Variants in LPGAT1 observed in about 807,000 individuals in gnomAD.
The protein encoded by LPGAT1 is acyl-CoA:lysophosphatidylglycerol acyltransferase 1.
LPGAT1 carries 11 observed loss-of-function variants against 47.5 expected under a neutral mutation model. That is an observed-to-expected ratio of 0.23 (90% CI 0.15 to 0.38). The LOEUF (loss-of-function observed/expected upper bound fraction) is 0.38, where lower values mean the gene tolerates loss of function less well. Among genes scored for constraint, LPGAT1 ranks in the 10% least tolerant of loss-of-function variants. The pLI, the probability that LPGAT1 is intolerant of heterozygous loss-of-function variation, is 1.00. For synonymous variants in LPGAT1, 138 were observed against 144.2 expected (o/e 0.96, Z 0.31); for missense variants, 293 against 439.0 (o/e 0.67, Z 2.97).
At chr1:211,783,187 C>CT (rs1349845535) in intron 5 of LPGAT1, 42 bp downstream of exon 5, 10 of 1,523,122 alleles carry the variant, frequency 6.6e-6, no homozygotes, top group South Asian at 2.6e-5. Flanking sequence ...CCAGAAAATC[C>CT]TTTAACTCCA....
At chr1:211,761,594 C>T (rs1016106114) in intron 6 of LPGAT1, among the ~76,000 whole-genome samples, 7 of 152,176 alleles carry the variant, frequency 4.6e-5, no homozygotes, top group African/African-American at 1.4e-4. Context: ...AGATTAAGTA[C>T]ATCATCCTGT....
At chr1:211,787,606 G>T in intron 4 of LPGAT1, 26 bp downstream of exon 4, 1 of 1,276,580 alleles carries the variant, frequency 7.8e-7, no homozygotes. Context: ...GGCTATCACT[G>T]CGGGGAAAAA....
At chr1:211,759,390 T>G (rs1274505364) in intron 6 of LPGAT1, among the ~76,000 whole-genome samples, 1 of 152,188 alleles carries the variant, frequency 6.6e-6, no homozygotes, top group Non-Finnish European at 1.5e-5. Flanking sequence ...CCAGCTCCTC[T>G]TTTTAGTAAC....
intron 3 of LPGAT1, among the ~76,000 whole-genome samples, chr1:211,791,240 G>C (rs1000877295): frequency 6.6e-6 from 1 of 152,092 alleles, no homozygotes; most frequent in African/African-American, 2.4e-5. Context: ...CTAACCTAGT[G>C]AATCAAAATC....
intron 2 of LPGAT1, among the ~76,000 whole-genome samples, chr1:211,794,224 T>C (rs1466182341): frequency 2.0e-5 from 3 of 152,236 alleles, no homozygotes; most frequent in African/African-American, 7.2e-5. Flanking sequence ...GAAAAGTCAC[T>C]GCGCCAAAAT....
chr1:211,752,142 T>C (rs1397304737), intron 6 of LPGAT1, among the ~76,000 whole-genome samples: 2 of 152,214 alleles, frequency 1.3e-5, no homozygotes, highest in African/African-American at 4.8e-5. Flanking sequence ...TACTTTTCCT[T>C]TCTTTACCAA....
intron 5 of LPGAT1, among the ~76,000 whole-genome samples, chr1:211,782,133 A>C (rs1658665858): frequency 6.6e-6 from 1 of 152,186 alleles, no homozygotes; most frequent in Non-Finnish European, 1.5e-5. Flanking sequence ...TGTCCACCCT[A>C]TTAACATAAG....
intron 2 of LPGAT1, chr1:211,793,401 CATTATTTATTTA>C: frequency 6.2e-6 from 1 of 161,136 alleles, no homozygotes; most frequent in African/African-American, 2.8e-5. Context: ...ATAAAATTAT[CATTATTTATTTA>C]TTTATTTATT....
chr1:211,762,943 C>T (rs150178464), intron 6 of LPGAT1, among the ~76,000 whole-genome samples: 8 of 152,034 alleles, frequency 5.3e-5, no homozygotes, highest in African/African-American at 1.4e-4. Flanking sequence ...AACTAAGCAC[C>T]GAAGAAGATT....
chr1:211,815,688 A>T (rs1305580635), intron 2 of LPGAT1, among the ~76,000 whole-genome samples: 1 of 151,436 alleles, frequency 6.6e-6, no homozygotes, highest in Admixed American at 6.6e-5. Context: ...AGCTTCCCTC[A>T]ACCACTAAAC....
At chr1:211,750,436 A>C (rs61831161) in intron 7 of LPGAT1, among the ~76,000 whole-genome samples, 18,144 of 152,234 alleles carry the variant, frequency 0.12, 1,276 homozygotes, top group Non-Finnish European at 0.15. Flanking sequence ...ACTGGAATAT[A>C]ATCTGCATGA....
At chr1:211,800,035 T>TTTATTA (rs58672865) in intron 2 of LPGAT1, among the ~76,000 whole-genome samples, 11 of 150,976 alleles carry the variant, frequency 7.3e-5, no homozygotes, top group Admixed American at 1.3e-4. Context: ...ACTACCATTC[T>TTTATTA]TTATTATTAT....
intron 6 of LPGAT1, among the ~76,000 whole-genome samples, chr1:211,774,720 T>C (rs963941840): frequency 6.6e-6 from 1 of 152,238 alleles, no homozygotes; most frequent in African/African-American, 2.4e-5. Context: ...AAATAATGTG[T>C]ATTTTATGGT....
intron 2 of LPGAT1, among the ~76,000 whole-genome samples, chr1:211,828,202 T>C (rs1377472550): frequency 1.3e-5 from 2 of 152,222 alleles, no homozygotes; most frequent in African/African-American, 4.8e-5. Flanking sequence ...GGAATTTCTG[T>C]GCTAAAAGCC....
At position 211,749,842 on chromosome 1, in the gene LPGAT1, C is replaced by T. The variant is rs1657100192; in HGVS notation, c.*57G>A. Reference sequence around the variant, plus strand: ...TGATTTGCACATGTAAAATAATGCACACTTATGAAAGAAAGTCTGAACTCC... The same window carrying T: ...TGATTTGCACATGTAAAATAATGCATACTTATGAAAGAAAGTCTGAACTCC... On this transcript the variant is annotated 3_prime_UTR_variant, in exon 8 of 8. Coordinates refer to ENST00000366997, the MANE Select transcript of LPGAT1 (RefSeq NM_014873.3). The T allele has an allele frequency of 1.9e-6, 3 of 1,545,202 alleles. No homozygotes were observed. Among genetic ancestry groups the T allele is most frequent in the South Asian group, 1.2e-5 (1 of 85,076 alleles).
intron 6 of LPGAT1, among the ~76,000 whole-genome samples, chr1:211,775,316 CAAAAT>C (rs1423336169): frequency 1.3e-5 from 2 of 151,894 alleles, no homozygotes; most frequent in Non-Finnish European, 2.9e-5. Context: ...GACTCTGTCT[CAAAAT>C]AAATAAATAA....
intron 2 of LPGAT1, among the ~76,000 whole-genome samples, chr1:211,815,773 CTTTTTTTT>C (rs938719098): frequency 7.5e-4 from 76 of 101,844 alleles, no homozygotes; most frequent in Middle Eastern, 9.3e-3. Flanking sequence ...AAATGCTTTT[CTTTTTTTT>C]TTTTTTTTTT....
chr1:211,801,473 G>C (rs1181878406), intron 2 of LPGAT1, among the ~76,000 whole-genome samples: 1 of 152,130 alleles, frequency 6.6e-6, no homozygotes, highest in African/African-American at 2.4e-5. Flanking sequence ...CCAGCACTAA[G>C]GCCGAGGTGG....
intron 4 of LPGAT1, among the ~76,000 whole-genome samples, chr1:211,785,425 A>G (rs1185109060): frequency 6.6e-6 from 1 of 152,018 alleles, no homozygotes; most frequent in Non-Finnish European, 1.5e-5. Flanking sequence ...ATAGATTTTT[A>G]TTACTAATCT....
Sources: gnomAD v4.1 joint callset for allele counts (sites outside exome capture counted in the v4.1 genomes callset) on GRCh38, gnomAD v4.1.1 for gene constraint, MANE v1.5 for transcripts, NCBI Gene and HGNC (gene_info 2026-07-23, HGNC 2026-07-21) for gene names.